The following ARMC3 variants were observed in gnomAD, a reference collection of about 807,000 sequenced individuals.
ARMC3 encodes armadillo repeat containing 3, also known as armadillo repeat-containing protein 3.
Under a neutral mutation model 90.3 loss-of-function variants are expected in ARMC3, and 74 were observed. The observed-to-expected ratio is 0.82, with a 90% CI of 0.68 to 0.99. ARMC3 has a LOEUF of 0.99. Among genes scored for constraint, ARMC3 ranks in the 50% least tolerant of loss-of-function variants. ARMC3 has a pLI of 0.00. For synonymous variants in ARMC3, 334 were observed against 361.8 expected (o/e 0.92, Z 0.87); for missense variants, 958 against 1,042.8 (o/e 0.92, Z 1.12).
At chr10:22,949,607 A>G (rs1449408541) in intron 3 of ARMC3, among the ~76,000 whole-genome samples, 1 of 152,222 alleles carries the variant, frequency 6.6e-6, no homozygotes, top group Admixed American at 6.5e-5. Context: ...CAGAGATTCA[A>G]TGAGGTATGA....
intron 2 of ARMC3, among the ~76,000 whole-genome samples, 176 bp from the exon 3 acceptor site, chr10:22,945,968 A>G (rs1834510388): frequency 6.6e-6 from 1 of 152,164 alleles, no homozygotes; most frequent in South Asian, 2.1e-4. Context: ...AATGCTGACA[A>G]TTGTTTCTCT....
chr10:23,030,742 C>T lies in ARMC3; in HGVS notation c.2192C>T (p.Thr731Ile), dbSNP rs747315593. 3 of 1,613,584 alleles carry T rather than the reference C, an allele frequency of 1.9e-6. No homozygotes were observed. In the African/African-American group the frequency reaches 4.0e-5, roughly 22 times the overall value. Residue 731 changes from threonine to isoleucine, a missense_variant, in exon 17 of 19, where the codon ACC becomes ATC. Coordinates refer to ENST00000298032, the MANE Select transcript of ARMC3 (RefSeq NM_173081.5). Reference protein sequence around the residue: ...PDFSMYVYEVTKSILPITNIK... With the variant: ...PDFSMYVYEVIKSILPITNIK... ...TTCTCTATGTATGTGTATGAGGTGACCAAATCAATACTGCCAATAACCAAT... is the reference window on the plus strand; with the variant it reads ...TTCTCTATGTATGTGTATGAGGTGATCAAATCAATACTGCCAATAACCAAT...
At chr10:23,018,642 G>A (rs1016039433) in intron 16 of ARMC3, among the ~76,000 whole-genome samples, 10 of 147,992 alleles carry the variant, frequency 6.8e-5, no homozygotes, top group Non-Finnish European at 1.0e-4. Flanking sequence ...TTAGCCTCCC[G>A]AGTAGCTGGG....
chr10:23,003,426 C>A lies in ARMC3; in HGVS notation c.1731+12C>A. On this transcript the variant is annotated intron_variant, in intron 13 of 18. Transcript: ENST00000298032. ...ATGATTATGGTCGGGTAAGTGACAG[C>A]ATTTATTTGTAGTTTAGTATGTACA... 1 of 1,575,518 alleles carries A rather than the reference C, an allele frequency of 6.3e-7. No individual in the cohort carries two copies. Among genetic ancestry groups the A allele is most frequent in the Non-Finnish European group, 8.6e-7 (1 of 1,161,282 alleles).
intron 3 of ARMC3, among the ~76,000 whole-genome samples, chr10:22,950,401 A>ACT (rs1834699620): frequency 6.6e-6 from 1 of 152,182 alleles, no homozygotes; most frequent in South Asian, 2.1e-4. Flanking sequence ...AAGTGGCATA[A>ACT]TACCACTTCA....
At chr10:22,957,506 G>A (rs904120881) in intron 4 of ARMC3, among the ~76,000 whole-genome samples, 2 of 152,200 alleles carry the variant, frequency 1.3e-5, no homozygotes, top group Non-Finnish European at 2.9e-5. Flanking sequence ...GCAACAGGAT[G>A]AGGACAGTCA....
At chr10:22,974,766 C>T (rs147182762) in intron 8 of ARMC3, among the ~76,000 whole-genome samples, 55 of 152,200 alleles carry the variant, frequency 3.6e-4, no homozygotes, top group African/African-American at 1.1e-3. Context: ...CCCCAGCCTC[C>T]CAAGTAGCTG....
At chr10:22,956,818 A>C (rs1322071653) in intron 4 of ARMC3, among the ~76,000 whole-genome samples, 1 of 148,500 alleles carries the variant, frequency 6.7e-6, no homozygotes, top group Non-Finnish European at 1.5e-5. Context: ...ATTATATATT[A>C]TATATTAAAT....
chr10:22,935,547 C>T (rs2131136240), intron 2 of ARMC3, among the ~76,000 whole-genome samples: 1 of 152,166 alleles, frequency 6.6e-6, no homozygotes, highest in South Asian at 2.1e-4. Flanking sequence ...CAAAGCTTAG[C>T]CAAAATGCCT....
chr10:22,948,852 A>T (rs1834634759), intron 3 of ARMC3, among the ~76,000 whole-genome samples: 1 of 152,208 alleles, frequency 6.6e-6, no homozygotes, highest in East Asian at 1.9e-4. Context: ...ACAGAAGGAG[A>T]ACTCAGGAGC....
chr10:22,996,196 A>G (rs1283573778), intron 10 of ARMC3, among the ~76,000 whole-genome samples: 2 of 152,184 alleles, frequency 1.3e-5, no homozygotes, highest in East Asian at 3.8e-4. Flanking sequence ...CAGTATTTCC[A>G]TTGCAAAAAT....
intron 13 of ARMC3, chr10:23,006,647 C>G: frequency 2.3e-6 from 1 of 428,536 alleles, no homozygotes; most frequent in Non-Finnish European, 4.3e-6. Context: ...TGGGATGAAA[C>G]AGCCGAGTGT....
intron 16 of ARMC3, among the ~76,000 whole-genome samples, chr10:23,009,420 G>A (rs976995702): frequency 1.3e-5 from 2 of 152,234 alleles, no homozygotes; most frequent in African/African-American, 4.8e-5. Context: ...GGAATGAGGA[G>A]GAGGAGAGGC....
At position 23,005,053 on chromosome 10, in the gene ARMC3, T is replaced by A. The variant is rs562059982; in HGVS notation, c.1731+1639T>A. On this transcript the variant is annotated intron_variant, in intron 13 of 18. Coordinates refer to ENST00000298032, the MANE Select transcript of ARMC3 (RefSeq NM_173081.5). ...ACGGTGGAACCCCATCTCTACTAAA[T>A]ATACAAAAAATTAGCCGGGCGTGGT... Among the ~76,000 whole-genome samples the A allele has an allele frequency of 1.5e-4, 22 of 150,754 alleles. No homozygotes were observed. In the East Asian group the frequency reaches 4.1e-3, roughly 28 times the overall value.
chr10:22,978,490 G>A (rs1267152386), intron 8 of ARMC3, among the ~76,000 whole-genome samples: 3 of 152,134 alleles, frequency 2.0e-5, no homozygotes, highest in South Asian at 2.1e-4. Context: ...TGGGAATTAC[G>A]AGAACTGCAA....
At chr10:22,931,898 AAATTT>A (rs1833946585) in intron 1 of ARMC3, 93 bp from the exon 2 acceptor site, 1 of 1,036,690 alleles carries the variant, frequency 9.6e-7, no homozygotes, top group Non-Finnish European at 1.4e-6. Context: ...TAGGAGGTAA[AAATTT>A]AAAGGAGAAA....
intron 16 of ARMC3, chr10:23,014,487 A>T (rs12252340): frequency 0.22 from 223,656 of 1,019,766 alleles, 26,544 homozygotes; most frequent in African/African-American, 0.44. Context: ...ATTCGTCTGA[A>T]AAGCCATTGG....
At chr10:22,987,506 A>G (rs1160006722) in intron 10 of ARMC3, among the ~76,000 whole-genome samples, 1 of 152,250 alleles carries the variant, frequency 6.6e-6, no homozygotes, top group Non-Finnish European at 1.5e-5. Context: ...ATTAGTATAA[A>G]TGTTGGCTAG....
chr10:22,962,936 A>G (rs990907443), intron 7 of ARMC3, among the ~76,000 whole-genome samples: 3 of 152,222 alleles, frequency 2.0e-5, no homozygotes, highest in Non-Finnish European at 2.9e-5. Context: ...GTGATCCCCT[A>G]TAATTACACT....
Sources: gnomAD v4.1 joint callset for allele counts (sites outside exome capture counted in the v4.1 genomes callset) on GRCh38, gnomAD v4.1.1 for gene constraint, MANE v1.5 for transcripts, NCBI Gene and HGNC (gene_info 2026-07-23, HGNC 2026-07-21) for gene names.